Variants in CEP128 observed in about 807,000 individuals in gnomAD.
CEP128 encodes centrosomal protein 128kDa.
In CEP128, 132 loss-of-function variants were observed where a neutral mutation model predicts 156.7. The observed-to-expected ratio is 0.84, with a 90% confidence interval of 0.73 to 0.97. CEP128 has a LOEUF of 0.97. Among genes scored for constraint, CEP128 ranks in the 50% least tolerant of loss-of-function variants. The probability of loss-of-function intolerance (pLI) is 0.00; values close to 1 mark genes in which losing one functional copy is unlikely to be tolerated. For synonymous variants in CEP128, 469 were observed against 448.9 expected (o/e 1.04, Z -0.57); for missense variants, 1,252 against 1,281.9 (o/e 0.98, Z 0.36).
At chr14:80,635,802 T>C (rs569519566) in intron 19 of CEP128, among the ~76,000 whole-genome samples, 4 of 152,326 alleles carry the variant, frequency 2.6e-5, no homozygotes, top group Middle Eastern at 3.4e-3. Context: ...AACACTGACA[T>C]GATGCCACAG....
At chr14:80,697,210 A>G (rs1442595164) in intron 19 of CEP128, among the ~76,000 whole-genome samples, 3 of 152,160 alleles carry the variant, frequency 2.0e-5, no homozygotes, top group Admixed American at 2.0e-4. Context: ...TTATAAATCA[A>G]TTTGGCCTCT....
chr14:80,690,743 T>A (rs1272790352), intron 19 of CEP128, among the ~76,000 whole-genome samples: 1 of 152,142 alleles, frequency 6.6e-6, no homozygotes, highest in Non-Finnish European at 1.5e-5. Flanking sequence ...GCTTCCCCAC[T>A]CCCCTTACTG....
chr14:80,882,847 A>G (rs1484431330), intron 8 of CEP128, among the ~76,000 whole-genome samples: 1 of 152,188 alleles, frequency 6.6e-6, no homozygotes, highest in Non-Finnish European at 1.5e-5. Context: ...ATCTAAAAAT[A>G]AAAACAATTG....
chr14:80,545,945 G>A (rs966341506), intron 21 of CEP128, among the ~76,000 whole-genome samples: 3 of 152,196 alleles, frequency 2.0e-5, no homozygotes, highest in African/African-American at 4.8e-5. Flanking sequence ...GGGTGAGGGT[G>A]TGTTGAACTA....
chr14:80,955,951 T>G (rs1183391683), intron 2 of CEP128: 4 of 1,373,308 alleles, frequency 2.9e-6, no homozygotes, highest in Non-Finnish European at 4.1e-6. Flanking sequence ...CCCGAAGTAG[T>G]GTGTGAGTGT....
At chr14:80,891,669 T>C in intron 8 of CEP128, among the ~76,000 whole-genome samples, 1 of 151,910 alleles carries the variant, frequency 6.6e-6, no homozygotes, top group East Asian at 1.9e-4. Flanking sequence ...AATTTAATTG[T>C]ACATTTTAAA....
intron 19 of CEP128, among the ~76,000 whole-genome samples, chr14:80,597,557 C>T (rs1892383096): frequency 6.6e-6 from 1 of 151,518 alleles, no homozygotes; most frequent in Admixed American, 6.6e-5. Context: ...TGAAATATTT[C>T]CCATTTATTT....
At position 80,813,709 on chromosome 14, in the gene CEP128, C is replaced by G. The variant is rs796120693; in HGVS notation, c.1209+17434G>C. The stretch of plus-strand genomic sequence containing the variant: ...ACCATATTAACACAATACACACTTT[C>G]CAAAATTAAGCAGTATTATTGATGC... On this transcript the variant is annotated intron_variant, in intron 13 of 24. Coordinates refer to ENST00000555265, the MANE Select transcript of CEP128 (RefSeq NM_152446.5). Among the ~76,000 whole-genome samples the G allele has an allele frequency of 6.6e-5, 10 of 152,172 alleles. No homozygotes were observed. In the South Asian group the frequency reaches 1.9e-3, roughly 28 times the overall value.
rs550047563 is a variant in CEP128 at position 80,819,404 on chromosome 14, G to A, written c.1209+11739C>T. On this transcript the variant is annotated intron_variant, in intron 13 of 24. Transcript: ENST00000555265. The stretch of plus-strand genomic sequence containing the variant: ...TGGGACTACAGGTGCTTGCCACCAC[G>A]CCCGGCTAATTTTTTGTAATTTTAG... Among the ~76,000 whole-genome samples, 41 of 151,968 alleles carry A rather than the reference G, an allele frequency of 2.7e-4. No homozygotes were observed. The South Asian group carries it at 2.9e-3, about 11-fold the overall frequency.
intron 12 of CEP128, among the ~76,000 whole-genome samples, chr14:80,834,279 T>G (rs897263757): frequency 6.6e-6 from 1 of 152,050 alleles, no homozygotes; most frequent in Non-Finnish European, 1.5e-5. Context: ...GCAAGAGGCA[T>G]AGAAGTCACA....
At chr14:80,955,457 A>C in intron 2 of CEP128, 5 of 604,910 alleles carry the variant, frequency 8.3e-6, no homozygotes, top group South Asian at 7.8e-5. Flanking sequence ...TGAAGCAAGC[A>C]GACTTGTTTG....
chr14:80,921,819 T>C (rs1026018810), intron 2 of CEP128, among the ~76,000 whole-genome samples: 3 of 151,964 alleles, frequency 2.0e-5, no homozygotes, highest in Non-Finnish European at 4.4e-5. Context: ...AAAAATTAGC[T>C]GGGCATGGCG....
intron 19 of CEP128, among the ~76,000 whole-genome samples, chr14:80,710,140 TAAC>T (rs1438287671): frequency 8.5e-5 from 13 of 152,088 alleles, no homozygotes; most frequent in African/African-American, 3.1e-4. Context: ...GAACATGTAT[TAAC>T]AATCTAATAA....
chr14:80,740,449 TACACAC>T (rs58752743), intron 19 of CEP128, among the ~76,000 whole-genome samples: 234 of 146,166 alleles, frequency 1.6e-3, no homozygotes, highest in Middle Eastern at 6.8e-3. Flanking sequence ...TATATACACA[TACACAC>T]ACACACACAC....
chr14:80,895,636 T>C (rs1889310037), intron 8 of CEP128, 82 bp downstream of exon 8: 1 of 937,162 alleles, frequency 1.1e-6, no homozygotes, highest in South Asian at 1.8e-5. Context: ...GGTTAAACTC[T>C]ACTAAACTTC....
intron 19 of CEP128, among the ~76,000 whole-genome samples, chr14:80,616,002 T>C (rs1421720105): frequency 6.6e-6 from 1 of 152,188 alleles, no homozygotes; most frequent in Admixed American, 6.5e-5. Context: ...GAAGCTCAAA[T>C]ACAGAAAGAC....
chr14:80,822,138 C>A (rs1004113840), intron 13 of CEP128, among the ~76,000 whole-genome samples: 3 of 152,120 alleles, frequency 2.0e-5, no homozygotes, highest in African/African-American at 7.2e-5. Flanking sequence ...TCATTCCGCC[C>A]CTGGCCCCTC....
At chr14:80,774,238 A>G (rs187869665) in intron 16 of CEP128, among the ~76,000 whole-genome samples, 8 of 152,354 alleles carry the variant, frequency 5.3e-5, no homozygotes, top group Admixed American at 3.9e-4. Context: ...TAATAATAAC[A>G]TGACAAGAAA....
chr14:80,754,607 C>T (rs1326606128), intron 18 of CEP128, among the ~76,000 whole-genome samples: 2 of 148,154 alleles, frequency 1.3e-5, no homozygotes, highest in African/African-American at 5.3e-5. Flanking sequence ...GGACTGCAGG[C>T]ACGTGCCACC....
Sources: gnomAD v4.1 joint callset for allele counts (sites outside exome capture counted in the v4.1 genomes callset) on GRCh38, gnomAD v4.1.1 for gene constraint, MANE v1.5 for transcripts, NCBI Gene and HGNC (gene_info 2026-07-23, HGNC 2026-07-21) for gene names.